The following RASAL2 variants were observed in gnomAD, a reference collection of about 807,000 sequenced individuals.
RASAL2 encodes the protein ras GTPase-activating protein nGAP.
A neutral mutation model predicts 128.9 loss-of-function variants in RASAL2; 58 were observed. The ratio of observed to expected loss-of-function variants is 0.45; its 90% CI spans 0.36 to 0.56. RASAL2 has a LOEUF of 0.56. Among genes scored for constraint, RASAL2 ranks in the 20% least tolerant of loss-of-function variants. The pLI, the probability that RASAL2 is intolerant of heterozygous loss-of-function variation, is 0.00. For synonymous variants in RASAL2, 561 were observed against 580.8 expected (o/e 0.97, Z 0.49); for missense variants, 1,360 against 1,601.6 (o/e 0.85, Z 2.57).
chr1:178,452,719 A>T lies in RASAL2; in HGVS notation c.2009+67A>T, dbSNP rs902382743. ...AAAATACTTGAGGCCTAAAATTTGG[A>T]TGAGGGTTGGGAGCCTCATCACTCA... is the stretch of plus-strand genomic sequence containing the variant. On this transcript the variant is annotated intron_variant, in intron 11 of 17. Coordinates refer to ENST00000367649, the MANE Select transcript of RASAL2 (RefSeq NM_170692.4). 4 of 1,367,432 alleles carry T rather than the reference A, an allele frequency of 2.9e-6. No homozygotes were observed. In the African/African-American group the frequency reaches 5.7e-5, roughly 20 times the overall value. The allele number at this position is 1,367,432 out of a possible 1,614,324, so 84.7% of individuals were successfully genotyped here.
chr1:178,401,113 A>AT (rs1405330350), intron 4 of RASAL2, among the ~76,000 whole-genome samples: 1 of 152,210 alleles, frequency 6.6e-6, no homozygotes, highest in Non-Finnish European at 1.5e-5. Context: ...TATTCATCTC[A>AT]TAACTTCAGC....
chr1:178,119,685 A>G (rs996422555), intron 1 of RASAL2, among the ~76,000 whole-genome samples: 5 of 152,220 alleles, frequency 3.3e-5, no homozygotes, highest in Non-Finnish European at 7.3e-5. Context: ...TACATGTAAC[A>G]TATTTTCATG....
intron 1 of RASAL2, among the ~76,000 whole-genome samples, chr1:178,161,755 C>G (rs534924118): frequency 1.3e-5 from 2 of 152,062 alleles, no homozygotes; most frequent in Admixed American, 1.3e-4. Context: ...CTTGTCAACA[C>G]TTCTTATCAT....
At chr1:178,130,343 C>A (rs764201380) in intron 1 of RASAL2, among the ~76,000 whole-genome samples, 1 of 152,090 alleles carries the variant, frequency 6.6e-6, no homozygotes, top group Non-Finnish European at 1.5e-5. Flanking sequence ...AATTAAGTTT[C>A]TTTTCTGTTT....
Position 178,439,427 on chromosome 1 carries a change from G to A in RASAL2, c.680G>A (p.Arg227His), listed in dbSNP as rs762969560. 1.2e-5 allele frequency: 20 copies of A among 1,604,148 alleles called. No homozygotes were observed. The South Asian group carries it at 1.3e-4, about 11-fold the overall frequency. The change falls in exon 6 of 18, where the codon CGT (arginine) becomes CAT (histidine). Residue 227 changes from arginine to histidine, a missense_variant. By Grantham distance (29) the Arg-to-His change is conservative (BLOSUM62 0). Transcript: ENST00000367649. ...PSLRSTDDRS[R>H]GLPKLKESRS... ...ATATCTTTTTCTACTTTTAGGTCTC[G>A]TGGGCTGCCTAAACTAAAAGAGTCA...
At chr1:178,172,666 A>C (rs1457709568) in intron 1 of RASAL2, among the ~76,000 whole-genome samples, 1 of 152,130 alleles carries the variant, frequency 6.6e-6, no homozygotes, top group Non-Finnish European at 1.5e-5. Flanking sequence ...AATTTAGAAT[A>C]AAATAATTTG....
At chr1:178,210,114 A>G (rs1663203582) in intron 1 of RASAL2, among the ~76,000 whole-genome samples, 1 of 151,228 alleles carries the variant, frequency 6.6e-6, no homozygotes, top group South Asian at 2.1e-4. Flanking sequence ...TTGTCTTTTC[A>G]TGCTTCATTC....
At chr1:178,213,826 G>C (rs1411043980) in intron 1 of RASAL2, among the ~76,000 whole-genome samples, 1 of 151,578 alleles carries the variant, frequency 6.6e-6, no homozygotes, top group Non-Finnish European at 1.5e-5. Context: ...GAGCTGAATT[G>C]AGTGGTGAAT....
chr1:178,109,507 C>T (rs978729848), intron 1 of RASAL2, among the ~76,000 whole-genome samples: 3 of 152,154 alleles, frequency 2.0e-5, no homozygotes, highest in African/African-American at 7.2e-5. Flanking sequence ...GGTACATATG[C>T]TTTATAATTC....
chr1:178,176,994 G>T (rs1035962468), intron 1 of RASAL2, among the ~76,000 whole-genome samples: 1 of 152,058 alleles, frequency 6.6e-6, no homozygotes, highest in Non-Finnish European at 1.5e-5. Context: ...CTATTTCAGG[G>T]ATTCTTTATA....
chr1:178,114,522 G>GTT (rs560913048), intron 1 of RASAL2, among the ~76,000 whole-genome samples: 3 of 144,542 alleles, frequency 2.1e-5, no homozygotes, highest in African/African-American at 2.5e-5. Context: ...GATTTTTGAG[G>GTT]TTTTTTTTTT....
intron 1 of RASAL2, among the ~76,000 whole-genome samples, chr1:178,207,659 T>C (rs1663101451): frequency 6.6e-6 from 1 of 152,186 alleles, no homozygotes; most frequent in Non-Finnish European, 1.5e-5. Flanking sequence ...AAACAAGTTT[T>C]ATCAGACTGA....
rs188160781 is a variant in RASAL2 at position 178,244,411 on chromosome 1, T to G, written c.203-39153T>G. ...GCGCGTGCCACCACGCCCGGCTAAT[T>G]TTTGTATTTTTAGTAGAGATGGGGT... On this transcript the variant is annotated intron_variant, in intron 1 of 17. Transcript: ENST00000367649. Among the ~76,000 whole-genome samples, 881 of 152,120 alleles carry G rather than the reference T, an allele frequency of 5.8e-3. 3 individuals are homozygous for G. Among genetic ancestry groups the G allele is most frequent in the Non-Finnish European group, 8.9e-3 (603 of 68,008 alleles).
chr1:178,155,562 T>C (rs746735724), intron 1 of RASAL2, among the ~76,000 whole-genome samples: 6 of 152,066 alleles, frequency 3.9e-5, no homozygotes, highest in Non-Finnish European at 8.8e-5. Context: ...CAGGGAACTT[T>C]TTTAGTCAGT....
At chr1:178,383,821 A>G (rs1355736290) in intron 3 of RASAL2, among the ~76,000 whole-genome samples, 1 of 152,216 alleles carries the variant, frequency 6.6e-6, no homozygotes, top group Non-Finnish European at 1.5e-5. Flanking sequence ...CCACCAACAT[A>G]CCACATCCTA....
chr1:178,467,926 C>CTGCTTGGAATG (rs1647903203), intron 17 of RASAL2, among the ~76,000 whole-genome samples: 1 of 152,202 alleles, frequency 6.6e-6, no homozygotes, highest in South Asian at 2.1e-4. Context: ...TTTGGCATTG[C>CTGCTTGGAATG]TGCTTGGAAT....
At chr1:178,184,126 T>C (rs572146103) in intron 1 of RASAL2, among the ~76,000 whole-genome samples, 1 of 152,326 alleles carries the variant, frequency 6.6e-6, no homozygotes, top group African/African-American at 2.4e-5. Context: ...TCAGACCTTA[T>C]GCCCATTTTT....
intron 5 of RASAL2, among the ~76,000 whole-genome samples, chr1:178,438,848 C>A (rs570454224): frequency 6.8e-6 from 1 of 148,046 alleles, no homozygotes; most frequent in South Asian, 2.1e-4. Context: ...TTTTGAAAGA[C>A]AAGGTCTTGT....
chr1:178,441,493 A>T, intron 6 of RASAL2, 56 bp from the exon 7 acceptor site: 1 of 1,295,644 alleles, frequency 7.7e-7, no homozygotes, highest in African/African-American at 1.5e-5. Context: ...AACCCTAATG[A>T]CAGAGCCCTG....
Sources: gnomAD v4.1 joint callset for allele counts (sites outside exome capture counted in the v4.1 genomes callset) on GRCh38, gnomAD v4.1.1 for gene constraint, MANE v1.5 for transcripts, NCBI Gene and HGNC (gene_info 2026-07-23, HGNC 2026-07-21) for gene names.